The following NFIB variants were observed in gnomAD, a reference collection of about 807,000 sequenced individuals.
The protein encoded by NFIB is nuclear factor I B, also known as nuclear factor 1 B-type.
Under a neutral mutation model 61.5 loss-of-function variants are expected in NFIB, and 11 were observed. The ratio of observed to expected loss-of-function variants is 0.18; its 90% CI spans 0.11 to 0.30. NFIB has a LOEUF of 0.30. NFIB is among the 10% of genes least tolerant of loss of function. The pLI is 1.00. For missense variants in NFIB, 471 were observed against 608.9 expected (o/e 0.77, Z 2.38); for synonymous variants, 260 against 216.5 (o/e 1.20, Z -1.76).
At chr9:14,220,454 A>G (rs1354979360) in intron 2 of NFIB, among the ~76,000 whole-genome samples, 2 of 152,178 alleles carry the variant, frequency 1.3e-5, no homozygotes, top group Non-Finnish European at 2.9e-5. Flanking sequence ...ATTGAGAGGC[A>G]TCTTTACCAC....
chr9:14,116,341 G>A lies in NFIB; in HGVS notation c.1251C>T (p.Asn417=), dbSNP rs750290208. 4.0e-6 allele frequency: 6 copies of A among 1,504,188 alleles called. No individual in the cohort carries two copies. Among genetic ancestry groups the A allele is most frequent in the African/African-American group, 2.8e-5 (2 of 71,442 alleles). The allele number at this position is 1,504,188 out of a possible 1,614,324, so 93.2% of individuals were successfully genotyped here. The stretch of plus-strand genomic sequence containing the variant: ...CTTTCCCTACTACTTGACCACTGCC[G>A]TTAGGCTACAAAACAAAAACAGAAT... ...DPSSPQTSQP[N]GSGQVVGKVP... The change falls in exon 9 of 11, where the codon AAC becomes AAT. Residue 417 remains asparagine (N), a synonymous_variant. Coordinates refer to ENST00000380953, the MANE Select transcript of NFIB (RefSeq NM_001190737.2).
intron 2 of NFIB, among the ~76,000 whole-genome samples, chr9:14,259,297 C>T (rs943700541): frequency 2.0e-5 from 3 of 152,194 alleles, no homozygotes; most frequent in African/African-American, 4.8e-5. Context: ...TGGAAGAATA[C>T]AGATGTCTAG....
intron 2 of NFIB, among the ~76,000 whole-genome samples, chr9:14,303,739 G>A: frequency 6.6e-6 from 1 of 152,140 alleles, no homozygotes; most frequent in Non-Finnish European, 1.5e-5. Context: ...ACCATTATTG[G>A]CATCAAACAC....
chr9:14,226,549 G>GA (rs79951404), intron 2 of NFIB, among the ~76,000 whole-genome samples: 2,116 of 89,268 alleles, frequency 0.024, 52 homozygotes, highest in African/African-American at 0.076. Flanking sequence ...CCCTATCTCA[G>GA]AAAAAAAAAA....
chr9:14,259,282 G>A (rs926414669), intron 2 of NFIB, among the ~76,000 whole-genome samples: 19 of 152,284 alleles, frequency 1.2e-4, no homozygotes, highest in Admixed American at 2.0e-4. Flanking sequence ...GGAAGTGATG[G>A]TTCTTGGAAG....
chr9:14,422,588 A>T, the NFIB span, among the ~76,000 whole-genome samples: 1 of 152,178 alleles, frequency 6.6e-6, no homozygotes, highest in Non-Finnish European at 1.5e-5. Flanking sequence ...ATAAAACCCA[A>T]CCTTGAAAAG....
chr9:14,162,985 C>G (rs2044369322), intron 3 of NFIB, among the ~76,000 whole-genome samples: 1 of 151,932 alleles, frequency 6.6e-6, no homozygotes, highest in Admixed American at 6.6e-5. Context: ...AAAAAGGCAG[C>G]CCTGGGGCAA....
chr9:14,222,446 T>C (rs1279673266), intron 2 of NFIB, among the ~76,000 whole-genome samples: 1 of 152,128 alleles, frequency 6.6e-6, no homozygotes, highest in African/African-American at 2.4e-5. Flanking sequence ...AAACTGGTAA[T>C]CTGAGCCTTT....
chr9:14,437,009 G>T, the NFIB span, among the ~76,000 whole-genome samples: 1 of 152,176 alleles, frequency 6.6e-6, no homozygotes, highest in African/African-American at 2.4e-5. Context: ...GGAGGAGAGA[G>T]AAAGAGACAG....
intron 3 of NFIB, among the ~76,000 whole-genome samples, chr9:14,163,097 G>A (rs1036611081): frequency 1.3e-5 from 2 of 151,920 alleles, no homozygotes; most frequent in African/African-American, 2.4e-5. Flanking sequence ...TACTACCTAT[G>A]AGTAGATGCA....
chr9:14,381,289 T>C lies in NFIB; in HGVS notation c.108+17235A>G, dbSNP rs571273092. 1.6e-4 allele frequency among the ~76,000 whole-genome samples: 24 copies of C among 152,002 alleles called. No homozygotes were observed. The East Asian group carries it at 4.8e-3, about 30-fold the overall frequency. On this transcript the variant is annotated intron_variant, in intron 1 of 8. Coordinates refer to the NFIB transcript ENST00000380934. The stretch of plus-strand genomic sequence containing the variant: ...TTATTGCAACCTCCACCTCCTGGGC[T>C]CAAGCAATCCTCCCACCTCAGCCTC...
chr9:14,439,847 C>T, the NFIB span, among the ~76,000 whole-genome samples: 14 of 152,328 alleles, frequency 9.2e-5, no homozygotes, highest in East Asian at 5.8e-4. Flanking sequence ...ACCCCCGAGG[C>T]GGAAGCCGTT....
chr9:14,227,180 A>G (rs2052541701), intron 2 of NFIB, among the ~76,000 whole-genome samples: 1 of 151,932 alleles, frequency 6.6e-6, no homozygotes, highest in Non-Finnish European at 1.5e-5. Flanking sequence ...AAAGTAAAAG[A>G]AAAGAAATAT....
the NFIB span, among the ~76,000 whole-genome samples, chr9:14,529,293 A>C: frequency 6.6e-6 from 1 of 152,184 alleles, no homozygotes; most frequent in East Asian, 1.9e-4. Flanking sequence ...TGAAACAGAC[A>C]ATAAGTCAGG....
intron 3 of NFIB, among the ~76,000 whole-genome samples, chr9:14,174,798 T>G (rs1388767586): frequency 6.7e-6 from 1 of 150,112 alleles, no homozygotes; most frequent in Non-Finnish European, 1.5e-5. Flanking sequence ...GAATGAAATA[T>G]GATTTGAAAA....
intron 2 of NFIB, among the ~76,000 whole-genome samples, chr9:14,231,934 T>C (rs1426217001): frequency 6.6e-6 from 1 of 152,188 alleles, no homozygotes; most frequent in Non-Finnish European, 1.5e-5. Flanking sequence ...AATATACTAT[T>C]ACAGGACTTA....
In NFIB at chr9:14,313,150, G is replaced by A. The variant is rs2060365021; in HGVS notation, c.30+332C>T. On this transcript the variant is annotated intron_variant, in intron 1 of 10. Coordinates refer to ENST00000380953, the MANE Select transcript of NFIB (RefSeq NM_001190737.2). The surrounding 1 kb of genome is among the most constrained non-coding windows in gnomAD (Gnocchi z 4.5). ...TGCTGAGAGGGGCTACGGGCACCCC[G>A]GGCGGGGATGCCGCACCACAACGGG... is the stretch of plus-strand genomic sequence containing the variant. Among the ~76,000 whole-genome samples, 2 of 152,160 alleles carry A rather than the reference G, an allele frequency of 1.3e-5. 1 individual carries two copies. The highest frequency in any genetic ancestry group is 4.1e-4 in the South Asian group (2 of 4,832).
At position 14,283,288 on chromosome 9, in the gene NFIB, G is replaced by A. The variant is rs187576663; in HGVS notation, c.562+23701C>T. On this transcript the variant is annotated intron_variant, in intron 2 of 10. Coordinates refer to ENST00000380953, the MANE Select transcript of NFIB (RefSeq NM_001190737.2). ...ATTCTTAAAGGTTTTCTAGCAAAAC[G>A]CTTGTGTATTTGTATCATTGCACCA... Among the ~76,000 whole-genome samples, 631 of 152,298 alleles carry A rather than the reference G, an allele frequency of 4.1e-3. 7 individuals are homozygous for A. Among genetic ancestry groups the A allele is most frequent in the African/African-American group, 0.014 (569 of 41,568 alleles).
At chr9:14,239,030 T>C (rs1199190312) in intron 2 of NFIB, among the ~76,000 whole-genome samples, 1 of 152,234 alleles carries the variant, frequency 6.6e-6, no homozygotes, top group Admixed American at 6.5e-5. Context: ...TTATACAATA[T>C]AGTTTATAAT....
Sources: gnomAD v4.1 joint callset for allele counts (sites outside exome capture counted in the v4.1 genomes callset) on GRCh38, gnomAD v4.1.1 for gene constraint, Gnocchi (gnomAD v3.1) non-coding constraint, MANE v1.5 for transcripts, NCBI Gene and HGNC (gene_info 2026-07-23, HGNC 2026-07-21) for gene names.